PDSS2: variants seen among roughly 807,000 people sequenced by gnomAD.
The protein encoded by PDSS2 is decaprenyl diphosphate synthase subunit 2, also known as all trans-polyprenyl-diphosphate synthase PDSS2.
A neutral mutation model predicts 44.5 loss-of-function variants in PDSS2; 31 were observed. That is an observed-to-expected ratio of 0.70 (90% CI 0.52 to 0.94). The LOEUF is 0.94. PDSS2 is among the 40% of genes least tolerant of loss of function. The probability of loss-of-function intolerance (pLI) is 0.00; values close to 1 mark genes in which losing one functional copy is unlikely to be tolerated. For synonymous variants in PDSS2, 157 were observed against 180.3 expected (o/e 0.87, Z 1.03); for missense variants, 452 against 482.2 (o/e 0.94, Z 0.59).
At chr6:107,207,692 C>T (rs1331612690) in intron 6 of PDSS2, among the ~76,000 whole-genome samples, 1 of 149,234 alleles carries the variant, frequency 6.7e-6, no homozygotes, top group East Asian at 2.0e-4. Context: ...TCACTGCAAC[C>T]TCTGCCTCCA....
In PDSS2 at chr6:107,254,158, T is replaced by C. The variant is rs548329428; in HGVS notation, c.631-8539A>G. Among the ~76,000 whole-genome samples, 13 of 150,756 alleles carry C rather than the reference T, an allele frequency of 8.6e-5. No homozygotes were observed. The East Asian group carries it at 2.3e-3, about 27-fold the overall frequency. The stretch of plus-strand genomic sequence containing the variant: ...AAGTGATTCTCCTGCCTCAGCCTCC[T>C]GAGTAGCTGGGATTACAGGCGTCCA... On this transcript the variant is annotated intron_variant, in intron 3 of 7. Transcript: ENST00000369037.
intron 2 of PDSS2, among the ~76,000 whole-genome samples, chr6:107,332,530 T>C (rs561993271): frequency 6.6e-6 from 1 of 152,310 alleles, no homozygotes; most frequent in East Asian, 1.9e-4. Flanking sequence ...ATGACTTTTT[T>C]TAACATACTA....
At chr6:107,376,445 T>C (rs1426982506) in intron 1 of PDSS2, among the ~76,000 whole-genome samples, 2 of 152,142 alleles carry the variant, frequency 1.3e-5, no homozygotes, top group Non-Finnish European at 2.9e-5. Flanking sequence ...CATTCAGCAG[T>C]GGTTTGTAGT....
At chr6:107,373,538 TTGC>T (rs969103014) in intron 1 of PDSS2, among the ~76,000 whole-genome samples, 4 of 152,242 alleles carry the variant, frequency 2.6e-5, no homozygotes, top group African/African-American at 9.6e-5. Flanking sequence ...TTCTCCACTG[TTGC>T]TTGTATTCTC....
intron 1 of PDSS2, among the ~76,000 whole-genome samples, chr6:107,341,162 A>C (rs189047398): frequency 1.1e-4 from 17 of 152,168 alleles, no homozygotes; most frequent in Admixed American, 5.2e-4. Context: ...TGAGGGCCTA[A>C]ATGAGGGTAG....
intron 1 of PDSS2, among the ~76,000 whole-genome samples, chr6:107,387,077 C>T (rs1310375952): frequency 1.3e-5 from 2 of 152,216 alleles, no homozygotes; most frequent in East Asian, 1.9e-4. Context: ...CATTTTTCCA[C>T]CAACCTGTTG....
At chr6:107,162,076 C>A (rs1246509060) in intron 7 of PDSS2, among the ~76,000 whole-genome samples, 7 of 152,112 alleles carry the variant, frequency 4.6e-5, no homozygotes, top group African/African-American at 1.7e-4. Context: ...GTCGTTAGGA[C>A]TTGGTTTGGG....
chr6:107,183,207 T>A (rs1246090235), intron 7 of PDSS2, among the ~76,000 whole-genome samples: 1 of 136,308 alleles, frequency 7.3e-6, no homozygotes. Flanking sequence ...CAAGACTGTC[T>A]AAAAAAAAAA....
At chr6:107,166,606 C>T (rs1232743744) in intron 7 of PDSS2, among the ~76,000 whole-genome samples, 7 of 152,068 alleles carry the variant, frequency 4.6e-5, no homozygotes, top group Non-Finnish European at 7.4e-5. Context: ...CCTCGTGATC[C>T]GCCCGCCTCG....
At chr6:107,456,843 C>T (rs1321821797) in intron 1 of PDSS2, among the ~76,000 whole-genome samples, 1 of 152,180 alleles carries the variant, frequency 6.6e-6, no homozygotes, top group Non-Finnish European at 1.5e-5. Flanking sequence ...CACCAGGACC[C>T]CTGGTAATTT....
At chr6:107,429,897 AAAAAATAT>A (rs1452760395) in intron 1 of PDSS2, among the ~76,000 whole-genome samples, 2 of 41,260 alleles carry the variant, frequency 4.8e-5, no homozygotes, top group South Asian at 1.6e-3. Context: ...AAAAAAAAAA[AAAAAATAT>A]ATATATATAT....
At chr6:107,295,846 A>G (rs1776492240) in intron 2 of PDSS2, among the ~76,000 whole-genome samples, 1 of 145,522 alleles carries the variant, frequency 6.9e-6, no homozygotes, top group African/African-American at 2.8e-5. Flanking sequence ...TTTTTTAGAG[A>G]AAAAAAATGA....
Position 107,375,264 on chromosome 6 carries a change from A to G in PDSS2, c.297-40932T>C, listed in dbSNP as rs531244422. ...AAATTGATAAAACAGAAAACAGAAAAACAAAAGAGAAAACCAATGAAACAG... is the reference window on the plus strand; with the variant it reads ...AAATTGATAAAACAGAAAACAGAAAGACAAAAGAGAAAACCAATGAAACAG... On this transcript the variant is annotated intron_variant, in intron 1 of 7. Coordinates refer to ENST00000369037, the MANE Select transcript of PDSS2 (RefSeq NM_020381.4). Among the ~76,000 whole-genome samples the G allele has an allele frequency of 4.6e-5, 7 of 152,162 alleles. No individual in the cohort carries two copies. The East Asian group carries it at 9.6e-4, about 21-fold the overall frequency.
intron 2 of PDSS2, among the ~76,000 whole-genome samples, chr6:107,305,503 T>C (rs115963321): frequency 7.0e-4 from 107 of 152,360 alleles, no homozygotes; most frequent in African/African-American, 2.4e-3. Context: ...ACATGTAGAA[T>C]CTTACAAGTT....
intron 2 of PDSS2, among the ~76,000 whole-genome samples, chr6:107,274,924 C>T (rs1364168989): frequency 2.0e-5 from 3 of 152,214 alleles, no homozygotes; most frequent in Admixed American, 1.3e-4. Flanking sequence ...CTACCTGCCT[C>T]GGACACCCAA....
chr6:107,290,265 C>T (rs972366707), intron 2 of PDSS2, among the ~76,000 whole-genome samples: 2 of 152,148 alleles, frequency 1.3e-5, no homozygotes, highest in Non-Finnish European at 2.9e-5. Flanking sequence ...CAGAGGTACA[C>T]GGGGAGTGAT....
intron 3 of PDSS2, among the ~76,000 whole-genome samples, chr6:107,265,658 T>C (rs752616234): frequency 6.6e-6 from 1 of 152,146 alleles, no homozygotes; most frequent in African/African-American, 2.4e-5. Context: ...ATAAGAAAAC[T>C]TGGCCAGGTG....
chr6:107,156,677 A>G (rs1025907505), intron 7 of PDSS2, among the ~76,000 whole-genome samples: 1 of 152,188 alleles, frequency 6.6e-6, no homozygotes, highest in Non-Finnish European at 1.5e-5. Context: ...TTGTGGCTGC[A>G]GCATTTAACT....
At chr6:107,264,536 G>T in intron 3 of PDSS2, 1 of 1,363,618 alleles carries the variant, frequency 7.3e-7, no homozygotes, top group Non-Finnish European at 1.0e-6. Context: ...AAAATAACGT[G>T]ATAAATTCCA....
Sources: allele counts gnomAD v4.1 joint callset (sites outside exome capture counted in the v4.1 genomes callset), GRCh38; gene constraint gnomAD v4.1.1; transcripts MANE v1.5; gene names NCBI Gene and HGNC (gene_info 2026-07-23, HGNC 2026-07-21).